Variants in GABRG3 observed in about 807,000 individuals in gnomAD.
GABRG3 encodes the protein gamma-aminobutyric acid receptor subunit gamma-3.
A neutral mutation model predicts 48.8 loss-of-function variants in GABRG3; 25 were observed. That is an observed-to-expected ratio of 0.51 (90% confidence interval 0.37 to 0.72). GABRG3 has a LOEUF of 0.72. GABRG3 is among the 30% of genes least tolerant of loss of function. The pLI is 0.00. For synonymous variants in GABRG3, 227 were observed against 217.6 expected (o/e 1.04, Z -0.38); for missense variants, 394 against 577.9 (o/e 0.68, Z 3.26).
chr15:27,023,570 T>G (rs1383035216), intron 2 of GABRG3, among the ~76,000 whole-genome samples: 2 of 152,248 alleles, frequency 1.3e-5, no homozygotes, highest in Non-Finnish European at 2.9e-5. Context: ...TATTTGCTCT[T>G]TTGTGACTAT....
chr15:27,054,714 A>G (rs1370745052), intron 3 of GABRG3, among the ~76,000 whole-genome samples: 2 of 152,240 alleles, frequency 1.3e-5, no homozygotes, highest in Non-Finnish European at 2.9e-5. Flanking sequence ...CTTCAAAAGC[A>G]GCTATTACTC....
At position 27,328,821 on chromosome 15, in the gene GABRG3, T is replaced by C. The variant is rs140674; in HGVS notation, c.507T>C (p.Ala169=). Residue 169 remains alanine, a synonymous_variant, in exon 5 of 10, where the codon GCT becomes GCC. Coordinates refer to ENST00000615808, the MANE Select transcript of GABRG3 (RefSeq NM_033223.5). ...TTTTTCGCAGGCTCACCATCAATGC[T>C]GAGTGCCAGCTGCAGCTGCACAACT... The part of the protein sequence containing the change: ...ILYTLRLTIN[A]ECQLQLHNFP... 66,860 of 1,613,846 alleles carry C rather than the reference T, an allele frequency of 0.041. 6,177 individuals are homozygous for C. Among genetic ancestry groups the C allele is most frequent in the African/African-American group, 0.36 (26,966 of 74,976 alleles).
intron 6 of GABRG3, among the ~76,000 whole-genome samples, chr15:27,510,313 C>T (rs1445761431): frequency 7.0e-6 from 1 of 142,992 alleles, no homozygotes; most frequent in Non-Finnish European, 1.5e-5. Context: ...GTGCCTTCTG[C>T]AGATGTAATG....
intron 3 of GABRG3, among the ~76,000 whole-genome samples, chr15:27,032,698 A>G (rs903377442): frequency 3.9e-5 from 6 of 152,240 alleles, no homozygotes; most frequent in African/African-American, 1.4e-4. Context: ...TCTATGATGC[A>G]AACACCTCCC....
In GABRG3 at chr15:27,532,829, C is replaced by A; in HGVS notation, c.1352C>A (p.Thr451Lys). 2 of 1,613,992 alleles carry A rather than the reference C, an allele frequency of 1.2e-6. No homozygotes were observed. The highest frequency in any genetic ancestry group is 1.7e-6 in the Non-Finnish European group (2 of 1,179,876). ...TCGTACTCCCGGGTCTTTTTCCCCA[C>A]GTCCTTCCTGCTCTTTAACCTGGTC... ...LDSYSRVFFP[T>K]SFLLFNLVYW... Residue 451 changes from threonine to lysine, a missense_variant, in exon 10 of 10, where the codon ACG (threonine) becomes AAG (lysine). Thr to Lys is a moderately conservative substitution (Grantham distance 78). Around this residue, in one of 3 missense-constraint regions of GABRG3, gnomAD observed 126 missense variants for 155.5 expected, o/e 0.81. Transcript: ENST00000615808.
intron 3 of GABRG3, among the ~76,000 whole-genome samples, chr15:27,269,222 T>A (rs893103285): frequency 8.5e-5 from 13 of 152,260 alleles, no homozygotes; most frequent in African/African-American, 2.9e-4. Flanking sequence ...AACTCCTCAG[T>A]GGTATCCGTG....
intron 6 of GABRG3, among the ~76,000 whole-genome samples, chr15:27,482,503 C>T (rs974256090): frequency 6.6e-6 from 1 of 152,228 alleles, no homozygotes; most frequent in African/African-American, 2.4e-5. Context: ...TGGAGGATCA[C>T]TCATGGGACT....
At chr15:27,072,556 A>G (rs1283082626) in intron 3 of GABRG3, among the ~76,000 whole-genome samples, 1 of 152,216 alleles carries the variant, frequency 6.6e-6, no homozygotes, top group Non-Finnish European at 1.5e-5. Flanking sequence ...TAGACTCCAG[A>G]GGGTACAATG....
chr15:27,067,131 G>A (rs928180859), intron 3 of GABRG3, among the ~76,000 whole-genome samples: 2 of 152,170 alleles, frequency 1.3e-5, no homozygotes, highest in African/African-American at 2.4e-5. Flanking sequence ...GCCGTGGAGG[G>A]AGCATTTTGT....
intron 2 of GABRG3, among the ~76,000 whole-genome samples, chr15:27,004,073 G>A (rs1311786546): frequency 6.7e-6 from 1 of 149,690 alleles, no homozygotes; most frequent in Non-Finnish European, 1.5e-5. Context: ...GACCCGGCGG[G>A]GGGCTGACCC....
At chr15:27,330,088 A>G (rs1893754111) in intron 5 of GABRG3, among the ~76,000 whole-genome samples, 1 of 152,100 alleles carries the variant, frequency 6.6e-6, no homozygotes. Context: ...AAAAATACAA[A>G]AAATTAGCTG....
chr15:27,360,426 G>A (rs565631988), intron 5 of GABRG3, among the ~76,000 whole-genome samples: 44 of 152,266 alleles, frequency 2.9e-4, no homozygotes, highest in Non-Finnish European at 5.3e-4. Context: ...ATTTTACCTG[G>A]GAAACTCATG....
intron 3 of GABRG3, among the ~76,000 whole-genome samples, chr15:27,054,319 C>T (rs1421431709): frequency 6.6e-6 from 1 of 152,044 alleles, no homozygotes; most frequent in East Asian, 1.9e-4. Flanking sequence ...GTTCTGTGCT[C>T]ACTACCTGGG....
At chr15:26,998,917 A>T (rs1895389648) in intron 2 of GABRG3, among the ~76,000 whole-genome samples, 1 of 152,128 alleles carries the variant, frequency 6.6e-6, no homozygotes, top group Admixed American at 6.5e-5. Flanking sequence ...AGGGATTTTA[A>T]ATGCTTTAAA....
chr15:27,155,769 T>C (rs936883571), intron 3 of GABRG3, among the ~76,000 whole-genome samples: 7 of 152,144 alleles, frequency 4.6e-5, no homozygotes, highest in Admixed American at 4.6e-4. Flanking sequence ...AAGTACCTGC[T>C]TCCACGTGGT....
intron 2 of GABRG3, among the ~76,000 whole-genome samples, chr15:27,004,509 G>C (rs1260751302): frequency 6.6e-6 from 1 of 151,458 alleles, no homozygotes; most frequent in Non-Finnish European, 1.5e-5. Flanking sequence ...GACGATGGGC[G>C]GTCAGGCAGA....
At chr15:27,067,300 C>T (rs1034237615) in intron 3 of GABRG3, among the ~76,000 whole-genome samples, 20 of 152,180 alleles carry the variant, frequency 1.3e-4, no homozygotes, top group Non-Finnish European at 2.1e-4. Context: ...TGTTTCACTA[C>T]GCAGCTGGCG....
At chr15:27,112,317 T>C (rs536302096) in intron 3 of GABRG3, among the ~76,000 whole-genome samples, 1 of 152,322 alleles carries the variant, frequency 6.6e-6, no homozygotes, top group African/African-American at 2.4e-5. Flanking sequence ...CTTTTTCTTG[T>C]TGTAAAGCAG....
At chr15:27,481,909 T>C (rs1390608839) in intron 6 of GABRG3, among the ~76,000 whole-genome samples, 1 of 152,192 alleles carries the variant, frequency 6.6e-6, no homozygotes, top group African/African-American at 2.4e-5. Context: ...GAGGCTGCAA[T>C]GTACCAGCAG....
Sources: gnomAD v4.1 joint callset for allele counts (sites outside exome capture counted in the v4.1 genomes callset) on GRCh38, gnomAD v4.1.1 for gene constraint, gnomAD v4.1.1 regional missense constraint, MANE v1.5 for transcripts, NCBI Gene and HGNC (gene_info 2026-07-23, HGNC 2026-07-21) for gene names.